SCRG1: variants seen among roughly 807,000 people sequenced by gnomAD.
The protein encoded by SCRG1 is stimulator of chondrogenesis 1.
SCRG1 carries 3 observed loss-of-function variants against 7.7 expected under a neutral mutation model. The observed-to-expected ratio is 0.39, with a 90% confidence interval of 0.18 to 1.01. The LOEUF (loss-of-function observed/expected upper bound fraction) is 1.01. SCRG1 is among the 50% of genes least tolerant of loss of function. The probability of loss-of-function intolerance (pLI) is 0.36; values close to 1 mark genes in which losing one functional copy is unlikely to be tolerated. For synonymous variants in SCRG1, 46 were observed against 41.2 expected, an observed-to-expected ratio of 1.12 and a Z score of -0.44; for missense variants, 110 against 117.2, an observed-to-expected ratio of 0.94 and a Z score of 0.28.
chr4:173,503,794 G>A, the SCRG1 span, among the ~76,000 whole-genome samples: 2 of 152,126 alleles, frequency 1.3e-5, no homozygotes, highest in African/African-American at 4.8e-5. This position sits in a 1 kb window ranked among gnomAD's most constrained non-coding sequence, Gnocchi z 6.4. Context: ...ACATCTTCGC[G>A]ATGTCCCTAA....
At chr4:173,458,073 T>G in the SCRG1 span, among the ~76,000 whole-genome samples, 1 of 152,110 alleles carries the variant, frequency 6.6e-6, no homozygotes, top group Non-Finnish European at 1.5e-5. Flanking sequence ...TGAGTTCCCC[T>G]GAAAGGAGGA....
the SCRG1 span, among the ~76,000 whole-genome samples, chr4:173,421,892 TCTC>T: frequency 4.6e-5 from 7 of 152,168 alleles, no homozygotes; most frequent in Admixed American, 2.0e-4. Context: ...TCTTTCTTCC[TCTC>T]CTTTTTGTTT....
the SCRG1 span, among the ~76,000 whole-genome samples, chr4:173,412,741 T>A: frequency 1.3e-5 from 2 of 152,216 alleles, no homozygotes; most frequent in African/African-American, 4.8e-5. Context: ...CCTTGGGTAA[T>A]CTTTTCCCCC....
chr4:173,465,673 CATAT>C, the SCRG1 span, among the ~76,000 whole-genome samples: 1 of 151,296 alleles, frequency 6.6e-6, no homozygotes, highest in African/African-American at 2.4e-5. Flanking sequence ...TATATACATA[CATAT>C]ATAGATTTTA....
chr4:173,511,940 C>T, the SCRG1 span, among the ~76,000 whole-genome samples: 1 of 152,112 alleles, frequency 6.6e-6, no homozygotes, highest in Admixed American at 6.5e-5. This position sits in a 1 kb window ranked among gnomAD's most constrained non-coding sequence, Gnocchi z 5.2. Context: ...AGAGGCAGGT[C>T]TCCTGAATAC....
the SCRG1 span, among the ~76,000 whole-genome samples, chr4:173,480,826 C>T: frequency 6.6e-6 from 1 of 151,066 alleles, no homozygotes; most frequent in African/African-American, 2.4e-5. Flanking sequence ...GTCTAGCAAC[C>T]ACAAAAAAAC....
At chr4:173,419,486 G>A in the SCRG1 span, 1 of 812,152 alleles carries the variant, frequency 1.2e-6, no homozygotes, top group Non-Finnish European at 2.1e-6. Context: ...TTTTTTGGAA[G>A]CATTTTCATC....
chr4:173,453,222 G>T, the SCRG1 span, among the ~76,000 whole-genome samples: 1 of 152,196 alleles, frequency 6.6e-6, no homozygotes, highest in African/African-American at 2.4e-5. Flanking sequence ...TTTCTCCAGA[G>T]ACAGACTTCG....
At chr4:173,394,745 T>C (rs996746322) in intron 1 of SCRG1, among the ~76,000 whole-genome samples, 1 of 152,242 alleles carries the variant, frequency 6.6e-6, no homozygotes, top group Admixed American at 6.5e-5. Context: ...CACCACACTA[T>C]GTTATTTGAT....
the SCRG1 span, among the ~76,000 whole-genome samples, chr4:173,518,012 C>T: frequency 1.3e-5 from 2 of 152,242 alleles, no homozygotes; most frequent in Non-Finnish European, 2.9e-5. Flanking sequence ...AGAGGCTCAG[C>T]AAGCTGCCCT....
chr4:173,476,080 A>G, the SCRG1 span, among the ~76,000 whole-genome samples: 2 of 151,830 alleles, frequency 1.3e-5, no homozygotes, highest in African/African-American at 4.8e-5. Flanking sequence ...TTAAAATGGT[A>G]AATTTTATAT....
upstream of SCRG1, among the ~76,000 whole-genome samples, chr4:173,408,962 G>A (rs1384598579): frequency 1.4e-4 from 20 of 146,488 alleles, no homozygotes; most frequent in South Asian, 4.3e-4. Context: ...GCCGCACTCC[G>A]GCCTGGGCGA....
At chr4:173,441,691 A>G in the SCRG1 span, among the ~76,000 whole-genome samples, 1 of 152,242 alleles carries the variant, frequency 6.6e-6, no homozygotes, top group Non-Finnish European at 1.5e-5. Flanking sequence ...GAAGATGAAT[A>G]CAATATAAGT....
At chr4:173,413,193 C>T in the SCRG1 span, among the ~76,000 whole-genome samples, 2 of 152,068 alleles carry the variant, frequency 1.3e-5, no homozygotes, top group African/African-American at 2.4e-5. Flanking sequence ...TTCCTGGAGC[C>T]TACAGCTGGC....
the SCRG1 span, among the ~76,000 whole-genome samples, chr4:173,484,375 TATTATGTATATTTTATAC>T: frequency 4.6e-4 from 16 of 34,470 alleles, no homozygotes; most frequent in African/African-American, 1.3e-3. Flanking sequence ...ATATATTATA[TATTATGTATATTTTATAC>T]ATTATATATT....
At chr4:173,464,206 T>G in the SCRG1 span, among the ~76,000 whole-genome samples, 1 of 152,202 alleles carries the variant, frequency 6.6e-6, no homozygotes, top group East Asian at 1.9e-4. Context: ...CACTTTTATT[T>G]CAACCAGCTC....
chr4:173,407,182 C>G (rs544144473), upstream of SCRG1, among the ~76,000 whole-genome samples: 79 of 149,248 alleles, frequency 5.3e-4, no homozygotes, highest in African/African-American at 1.9e-3. Flanking sequence ...GTATTCCAGC[C>G]TGGGCGACAG....
chr4:173,437,778 G>A, the SCRG1 span, among the ~76,000 whole-genome samples: 23 of 152,116 alleles, frequency 1.5e-4, no homozygotes, highest in African/African-American at 5.3e-4. Flanking sequence ...CATAGTCCCC[G>A]CCTGGCTACC....
the SCRG1 span, among the ~76,000 whole-genome samples, chr4:173,472,222 G>A: frequency 1.3e-5 from 2 of 152,100 alleles, no homozygotes; most frequent in African/African-American, 4.8e-5. Context: ...AATATGCAAG[G>A]TGTGTTTACA....
Sources: allele counts gnomAD v4.1 joint callset (sites outside exome capture counted in the v4.1 genomes callset), GRCh38; gene constraint gnomAD v4.1.1; non-coding constraint Gnocchi (gnomAD v3.1); transcripts MANE v1.5; gene names NCBI Gene and HGNC (gene_info 2026-07-23, HGNC 2026-07-21).